The following PCM1 variants were observed in gnomAD, a reference collection of about 807,000 sequenced individuals.
PCM1 encodes the protein pericentriolar material 1 protein.
A neutral mutation model predicts 241.9 loss-of-function variants in PCM1; 157 were observed. That is an observed-to-expected ratio of 0.65 (90% confidence interval 0.57 to 0.74). PCM1 has a LOEUF of 0.74. Ranked by LOEUF, PCM1 falls within the 30% of genes least tolerant of loss-of-function variation. The pLI is 0.00. For synonymous variants in PCM1, 1,085 were observed against 784.9 expected, an observed-to-expected ratio of 1.38 and a Z score of -6.39; for missense variants, 3,478 against 2,360.1, an observed-to-expected ratio of 1.47 and a Z score of -9.81.
chr8:17,936,287 G>A (rs2060410794), intron 3 of PCM1, among the ~76,000 whole-genome samples: 1 of 152,154 alleles, frequency 6.6e-6, no homozygotes, highest in Non-Finnish European at 1.5e-5. Context: ...TAACAGGTTG[G>A]CAGGAATATT....
chr8:17,961,101 C>G (rs984729188), intron 15 of PCM1, among the ~76,000 whole-genome samples: 1 of 151,986 alleles, frequency 6.6e-6, no homozygotes, highest in African/African-American at 2.4e-5. Context: ...ATCTTTAAGC[C>G]ACCATAAGAT....
intron 15 of PCM1, among the ~76,000 whole-genome samples, chr8:17,960,819 T>G (rs2071497022): frequency 6.6e-6 from 1 of 152,046 alleles, no homozygotes; most frequent in Non-Finnish European, 1.5e-5. Context: ...AAACTACTCT[T>G]TTTTTTCTAG....
chr8:17,960,274 T>A, intron 14 of PCM1, 41 bp from the exon 15 acceptor site: 2 of 1,582,926 alleles, frequency 1.3e-6, no homozygotes, highest in Non-Finnish European at 1.7e-6. Context: ...CTTCATCACA[T>A]TTTATTGGAG....
At chr8:17,940,697 A>G (rs890542588) in intron 6 of PCM1, among the ~76,000 whole-genome samples, 7 of 152,216 alleles carry the variant, frequency 4.6e-5, no homozygotes, top group East Asian at 1.9e-4. Flanking sequence ...CTTATTCACA[A>G]TGAGAAAAAT....
rs140284400 is a variant in PCM1 at position 17,940,215 on chromosome 8, A to C, written c.783+354A>C. ...AAATGAAGGTTTAAATTTTTCTCCCAGTTTTCAAGATGTTATTTTTATAGG... is the reference window on the plus strand; with the variant it reads ...AAATGAAGGTTTAAATTTTTCTCCCCGTTTTCAAGATGTTATTTTTATAGG... On this transcript the variant is annotated intron_variant, in intron 6 of 38. Transcript: ENST00000325083. 62 of 886,952 alleles carry C rather than the reference A, an allele frequency of 7.0e-5. No individual in the cohort carries two copies. In the African/African-American group the frequency reaches 1.0e-3, roughly 14 times the overall value. 54.9% of individuals were successfully genotyped at this position (886,952 alleles called of 1,614,324 possible).
At chr8:17,955,976 A>G in intron 10 of PCM1, 2 of 366,714 alleles carry the variant, frequency 5.5e-6, no homozygotes, top group African/African-American at 2.1e-5. Flanking sequence ...CTGAAATTGT[A>G]TCACACAAGG....
At chr8:18,014,460 C>T (rs991246041) in intron 35 of PCM1, 124 bp from the exon 36 acceptor site, 1 of 692,730 alleles carries the variant, frequency 1.4e-6, no homozygotes. Context: ...TTTGTAGTTG[C>T]CTTTTCTTTT....
In PCM1 at chr8:18,025,667, T is replaced by C; in HGVS notation, c.6049+9T>C. The C allele has an allele frequency of 6.9e-7, 1 of 1,439,172 alleles. No individual in the cohort carries two copies. Among genetic ancestry groups the C allele is most frequent in the Non-Finnish European group, 9.5e-7 (1 of 1,047,370 alleles). The allele number at this position is 1,439,172 out of a possible 1,614,324, so 89.2% of individuals were successfully genotyped here. On this transcript the variant is annotated intron_variant, in intron 38 of 38. Coordinates refer to ENST00000325083, the MANE Select transcript of PCM1 (RefSeq NM_006197.4). ...GACACTAAAAGAACCTGGTAAGAGTTATCAATTTAAATCTTGCCATATTGA... is the reference window on the plus strand; with the variant it reads ...GACACTAAAAGAACCTGGTAAGAGTCATCAATTTAAATCTTGCCATATTGA...
At chr8:18,017,939 T>A (rs2093378994) in intron 36 of PCM1, among the ~76,000 whole-genome samples, 1 of 152,134 alleles carries the variant, frequency 6.6e-6, no homozygotes, top group Admixed American at 6.6e-5. Context: ...TATGTTACTC[T>A]CCATAAGGCC....
intron 8 of PCM1, among the ~76,000 whole-genome samples, chr8:17,952,729 TG>T (rs1563850685): frequency 6.6e-6 from 1 of 152,174 alleles, no homozygotes; most frequent in Non-Finnish European, 1.5e-5. Context: ...TTGTTTTTGG[TG>T]TCCCCAGGGG....
At chr8:17,971,329 T>C (rs1444157047) in intron 22 of PCM1, among the ~76,000 whole-genome samples, 1 of 152,362 alleles carries the variant, frequency 6.6e-6, no homozygotes, top group East Asian at 1.9e-4. Context: ...TTGTTCACGC[T>C]AGGTTCTGTG....
intron 2 of PCM1, chr8:17,925,364 T>A (rs1415271467): frequency 6.6e-6 from 1 of 152,186 alleles, no homozygotes; most frequent in African/African-American, 2.4e-5. Flanking sequence ...AGAATGTAAG[T>A]TCACTAGGAG....
chr8:17,980,625 A>C lies in PCM1; in HGVS notation c.3978A>C (p.Glu1326Asp), dbSNP rs34932823. The C allele has an allele frequency of 6.2e-7, 1 of 1,612,850 alleles. No homozygotes were observed. Among genetic ancestry groups the C allele is most frequent in the Non-Finnish European group, 8.5e-7 (1 of 1,179,404 alleles). ...GTGCCAGTATGTCTAGCACATGTGA[A>C]CCTTGCAAAAGTAGGAACAGACATT... is the stretch of plus-strand genomic sequence containing the variant. ...YESASMSSTC[E>D]PCKSRNRHSA... The change falls in exon 24 of 39, where the codon GAA (glutamate) becomes GAC (aspartate). Residue 1326 changes from glutamate (E) to aspartate (D), a missense_variant. By Grantham distance (45) the Glu-to-Asp change is conservative (BLOSUM62 2). Transcript: ENST00000325083.
At chr8:17,947,067 A>G (rs1197199980) in intron 6 of PCM1, 119 bp from the exon 7 acceptor site, 4 of 575,542 alleles carry the variant, frequency 6.9e-6, no homozygotes, top group Non-Finnish European at 1.2e-5. Context: ...TACTAAAACT[A>G]TATTTAGGGT....
intron 36 of PCM1, among the ~76,000 whole-genome samples, chr8:18,016,103 T>A (rs1177741828): frequency 1.3e-5 from 2 of 152,194 alleles, no homozygotes; most frequent in East Asian, 3.9e-4. Context: ...TTAGCCAGAA[T>A]GATCTCGATC....
At chr8:17,964,198 T>C (rs1340064055) in intron 17 of PCM1, among the ~76,000 whole-genome samples, 2 of 152,226 alleles carry the variant, frequency 1.3e-5, no homozygotes, top group Non-Finnish European at 2.9e-5. Context: ...GTGTACCTAG[T>C]GTCTACTGTA....
chr8:17,989,872 A>C lies in PCM1; in HGVS notation c.4424A>C (p.Lys1475Thr). 1 of 1,541,234 alleles carries C rather than the reference A, an allele frequency of 6.5e-7. No individual in the cohort carries two copies. The highest frequency in any genetic ancestry group is 8.8e-7 in the Non-Finnish European group (1 of 1,139,640). ...LATTDDETFE[K>T]NFERETHKIS... ...ACTGTAACTTAGGAAACTTTTGAGA[A>C]GAACTTTGAAAGAGAAACCCATAAA... The change falls in exon 27 of 39, where the codon AAG (lysine) becomes ACG (threonine). Residue 1475 changes from lysine (K) to threonine (T), a missense_variant. Coordinates refer to ENST00000325083, the MANE Select transcript of PCM1 (RefSeq NM_006197.4).
At chr8:17,948,995 T>A (rs1475673836) in intron 7 of PCM1, among the ~76,000 whole-genome samples, 1 of 152,198 alleles carries the variant, frequency 6.6e-6, no homozygotes, top group East Asian at 1.9e-4. Flanking sequence ...TTATATAGAA[T>A]TTTAGCAGAA....
intron 36 of PCM1, among the ~76,000 whole-genome samples, chr8:18,019,062 T>TG (rs2093547507): frequency 6.6e-6 from 1 of 151,858 alleles, no homozygotes; most frequent in Non-Finnish European, 1.5e-5. Flanking sequence ...CACAGTGTAA[T>TG]CTTTCTTTCC....
Sources: allele counts gnomAD v4.1 joint callset (sites outside exome capture counted in the v4.1 genomes callset), GRCh38; gene constraint gnomAD v4.1.1; transcripts MANE v1.5; gene names NCBI Gene and HGNC (gene_info 2026-07-23, HGNC 2026-07-21).